Variants in KAZN observed in about 807,000 individuals in gnomAD.
KAZN encodes the protein kazrin.
In KAZN, 40 loss-of-function variants were observed where a neutral mutation model predicts 87.4. That is an observed-to-expected ratio of 0.46 (90% CI 0.36 to 0.60). The LOEUF is 0.60. KAZN is among the 20% of genes least tolerant of loss of function. The probability of loss-of-function intolerance (pLI) is 0.00; values close to 1 mark genes in which losing one functional copy is unlikely to be tolerated. For synonymous variants in KAZN, 466 were observed against 458.3 expected, an observed-to-expected ratio of 1.02 and a Z score of -0.22; for missense variants, 898 against 1,073.9, an observed-to-expected ratio of 0.84 and a Z score of 2.29.
chr1:14,174,453 T>C (rs1231952057), intron 1 of KAZN, among the ~76,000 whole-genome samples: 2 of 152,156 alleles, frequency 1.3e-5, no homozygotes, highest in Non-Finnish European at 2.9e-5. Context: ...GTTTAGCCTA[T>C]CTAAGGCTAA....
chr1:14,524,447 A>G (rs1571861183), intron 2 of KAZN, among the ~76,000 whole-genome samples: 2 of 152,166 alleles, frequency 1.3e-5, no homozygotes, highest in East Asian at 3.8e-4. Flanking sequence ...CCCTTGAGAA[A>G]GCCCACTCCC....
At chr1:14,226,076 A>G (rs955838235) in intron 2 of KAZN, among the ~76,000 whole-genome samples, 1 of 152,070 alleles carries the variant, frequency 6.6e-6, no homozygotes, top group African/African-American at 2.4e-5. Flanking sequence ...AAACAACAAA[A>G]CAAAACAAAC....
intron 1 of KAZN, among the ~76,000 whole-genome samples, chr1:14,957,532 G>C (rs1196593425): frequency 2.6e-5 from 4 of 152,240 alleles, no homozygotes; most frequent in Non-Finnish European, 5.9e-5. Context: ...GCACGCCGCT[G>C]GGGAGCGAGT....
chr1:14,443,964 T>C (rs781296314), intron 2 of KAZN, among the ~76,000 whole-genome samples: 3 of 152,144 alleles, frequency 2.0e-5, no homozygotes, highest in Non-Finnish European at 4.4e-5. Context: ...GATCACAAGA[T>C]TTGCTCAACT....
chr1:15,065,623 T>G lies in KAZN; in HGVS notation c.1099-7T>G. 3.7e-6 allele frequency: 6 copies of G among 1,604,060 alleles called. No homozygotes were observed. The highest frequency in any genetic ancestry group is 1.7e-5 in the Admixed American group (1 of 59,102). On this transcript the variant is annotated splice_polypyrimidine_tract_variant and splice_region_variant and intron_variant, in intron 7 of 14. Transcript: ENST00000376030. ...CACCCTCTTCCACGTGGCTCCTGAC[T>G]CCTCAGTCACTAGAGGATCTTGAAG...
intron 2 of KAZN, among the ~76,000 whole-genome samples, chr1:14,231,441 C>T (rs1647835744): frequency 6.6e-6 from 1 of 152,012 alleles, no homozygotes; most frequent in South Asian, 2.1e-4. Context: ...TCAATACTCA[C>T]TTTGGGATTA....
intron 2 of KAZN, among the ~76,000 whole-genome samples, chr1:14,357,911 T>C (rs1659174607): frequency 6.6e-6 from 1 of 152,216 alleles, no homozygotes; most frequent in African/African-American, 2.4e-5. Flanking sequence ...CTGCCAGGTT[T>C]CAATATTGGG....
chr1:14,752,282 C>T (rs752340079), intron 1 of KAZN, among the ~76,000 whole-genome samples: 11 of 152,250 alleles, frequency 7.2e-5, no homozygotes, highest in South Asian at 4.2e-4. Flanking sequence ...CCATAGCAGA[C>T]GAGTCTGTGA....
intron 1 of KAZN, among the ~76,000 whole-genome samples, chr1:14,117,002 T>C (rs1193496389): frequency 5.3e-5 from 8 of 152,256 alleles, no homozygotes; most frequent in Non-Finnish European, 1.2e-4. Flanking sequence ...ATTTACCCAA[T>C]GCTTGGATTG....
At chr1:14,673,489 G>A (rs1448817767) in intron 1 of KAZN, among the ~76,000 whole-genome samples, 2 of 152,210 alleles carry the variant, frequency 1.3e-5, no homozygotes, top group Admixed American at 6.5e-5. Flanking sequence ...TGATGTGAAG[G>A]CAGTTTGAAG....
chr1:14,325,848 T>G (rs1001998006), intron 2 of KAZN, among the ~76,000 whole-genome samples: 1 of 152,184 alleles, frequency 6.6e-6, no homozygotes, highest in Non-Finnish European at 1.5e-5. Flanking sequence ...GAGACAACCC[T>G]GTGTCTTAAG....
chr1:14,292,423 C>A (rs562826350), intron 2 of KAZN, among the ~76,000 whole-genome samples: 1 of 152,272 alleles, frequency 6.6e-6, no homozygotes, highest in Non-Finnish European at 1.5e-5. Flanking sequence ...CCTTCCAAGG[C>A]TTTGGTTCAG....
chr1:13,908,195 A>G (rs1202444513), intron 1 of KAZN, among the ~76,000 whole-genome samples: 1 of 152,250 alleles, frequency 6.6e-6, no homozygotes, highest in Non-Finnish European at 1.5e-5. Context: ...GAAAGCCTGT[A>G]GCTGGGGTTA....
intron 1 of KAZN, among the ~76,000 whole-genome samples, chr1:13,894,577 A>G (rs1638963823): frequency 6.6e-6 from 1 of 152,142 alleles, no homozygotes; most frequent in Admixed American, 6.6e-5. Flanking sequence ...CATTCCTCCA[A>G]TGTTTTCCTG....
chr1:14,332,305 T>G (rs1268216889), intron 2 of KAZN, among the ~76,000 whole-genome samples: 2 of 152,190 alleles, frequency 1.3e-5, no homozygotes, highest in Admixed American at 6.6e-5. Context: ...TCTTCTGGTA[T>G]ACATGAGCCA....
intron 2 of KAZN, among the ~76,000 whole-genome samples, chr1:14,296,050 A>G (rs1654088554): frequency 6.6e-6 from 1 of 152,154 alleles, no homozygotes; most frequent in African/African-American, 2.4e-5. Flanking sequence ...TACCTACCTC[A>G]TAGGGTTGCC....
At chr1:14,174,677 G>T (rs184697370) in intron 1 of KAZN, among the ~76,000 whole-genome samples, 13 of 152,234 alleles carry the variant, frequency 8.5e-5, no homozygotes, top group Admixed American at 2.0e-4. Context: ...TATATAACAA[G>T]GAGTTAAAAA....
At chr1:14,626,221 C>G (rs1175273707) in intron 1 of KAZN, among the ~76,000 whole-genome samples, 1 of 152,182 alleles carries the variant, frequency 6.6e-6, no homozygotes, top group Non-Finnish European at 1.5e-5. Context: ...GAATTAATGA[C>G]TTCTGGCTGT....
intron 1 of KAZN, among the ~76,000 whole-genome samples, chr1:14,796,685 A>G (rs1001305900): frequency 6.6e-6 from 1 of 152,094 alleles, no homozygotes; most frequent in Admixed American, 6.5e-5. Flanking sequence ...ACCAGGGAAG[A>G]CTCTCCATTG....
Sources: gnomAD v4.1 joint callset for allele counts (sites outside exome capture counted in the v4.1 genomes callset) on GRCh38, gnomAD v4.1.1 for gene constraint, MANE v1.5 for transcripts, NCBI Gene and HGNC (gene_info 2026-07-23, HGNC 2026-07-21) for gene names.